EXT2: variants seen among roughly 807,000 people sequenced by gnomAD.
EXT2 encodes exostosin glycosyltransferase 2.
In EXT2, 53 loss-of-function variants were observed where a neutral mutation model predicts 81.6. That is an observed-to-expected ratio of 0.65 (90% confidence interval 0.52 to 0.82). The LOEUF (loss-of-function observed/expected upper bound fraction) is 0.82, where lower values mean the gene tolerates loss of function less well. Among genes scored for constraint, EXT2 ranks in the 40% least tolerant of loss-of-function variants. The pLI, the probability that EXT2 is intolerant of heterozygous loss-of-function variation, is 0.00. For missense variants in EXT2, 774 were observed against 910.2 expected (o/e 0.85, Z 1.93); for synonymous variants, 320 against 340.0 (o/e 0.94, Z 0.65).
chr11:44,241,344 T>C lies in EXT2; in HGVS notation c.2019-2805T>C, dbSNP rs375074994. Among the ~76,000 whole-genome samples the C allele has an allele frequency of 7.2e-5, 11 of 152,358 alleles. No individual in the cohort carries two copies. The South Asian group carries it at 2.1e-3, about 29-fold the overall frequency. On this transcript the variant is annotated intron_variant, in intron 13 of 13. Coordinates refer to ENST00000533608, the MANE Select transcript of EXT2 (RefSeq NM_207122.2). ...TCAAATGATGAGTTTGCCACACTTA[T>C]TAGCTGTCTGACCTAAGGAAATTGA...
At chr11:44,194,120 C>T (rs1955427990) in intron 8 of EXT2, among the ~76,000 whole-genome samples, 1 of 152,236 alleles carries the variant, frequency 6.6e-6, no homozygotes, top group Non-Finnish European at 1.5e-5. Context: ...GAATTTTCCT[C>T]TCTTCTTAAT....
intron 1 of EXT2, among the ~76,000 whole-genome samples, chr11:44,106,043 G>A (rs1036100854): frequency 5.3e-5 from 8 of 152,198 alleles, no homozygotes; most frequent in African/African-American, 1.9e-4. Context: ...CTTAGAGCAT[G>A]GCGGCTGGAT....
chr11:44,130,678 G>C (rs1954479859), intron 7 of EXT2, among the ~76,000 whole-genome samples: 1 of 152,152 alleles, frequency 6.6e-6, no homozygotes, highest in Admixed American at 6.5e-5. Flanking sequence ...TACTCCACTT[G>C]ATGTCCCACT....
At chr11:44,216,553 G>C (rs1955722184) in intron 10 of EXT2, among the ~76,000 whole-genome samples, 2 of 152,162 alleles carry the variant, frequency 1.3e-5, no homozygotes, top group African/African-American at 4.8e-5. Flanking sequence ...TTTCGTTCAG[G>C]ATTCTAATGA....
chr11:44,244,605 A>G lies in EXT2; in HGVS notation c.*318A>G, dbSNP rs1956076326. The stretch of plus-strand genomic sequence containing the variant: ...CTCCCTTTGTTTTCAGTTCCATGTA[A>G]CAATCTGGAAGGAAACTTCACGGAC... On this transcript the variant is annotated 3_prime_UTR_variant, in exon 14 of 14. Coordinates refer to ENST00000533608, the MANE Select transcript of EXT2 (RefSeq NM_207122.2). 4.7e-6 allele frequency: 2 copies of G among 429,604 alleles called. No individual in the cohort carries two copies. The highest frequency in any genetic ancestry group is 8.7e-6 in the Non-Finnish European group (2 of 230,486). 26.6% of individuals were successfully genotyped at this position (429,604 alleles called of 1,614,324 possible).
At chr11:44,241,020 A>G (rs1217276808) in intron 13 of EXT2, among the ~76,000 whole-genome samples, 3 of 152,232 alleles carry the variant, frequency 2.0e-5, no homozygotes, top group Admixed American at 6.5e-5. Flanking sequence ...ATGCAAAACA[A>G]TGAAAGCAGT....
chr11:44,102,024 C>G (rs1266936361), intron 1 of EXT2, among the ~76,000 whole-genome samples: 3 of 151,586 alleles, frequency 2.0e-5, no homozygotes, highest in Admixed American at 6.6e-5. Context: ...AAATCACTAT[C>G]TCTCCCCTTG....
chr11:44,108,515 G>T (rs944410585), intron 2 of EXT2, among the ~76,000 whole-genome samples: 4 of 152,140 alleles, frequency 2.6e-5, no homozygotes, highest in Non-Finnish European at 5.9e-5. Flanking sequence ...ACTAAGCGTG[G>T]CTCTTCTTCA....
At chr11:44,166,580 A>G (rs899575678) in intron 7 of EXT2, among the ~76,000 whole-genome samples, 12 of 152,256 alleles carry the variant, frequency 7.9e-5, no homozygotes, top group African/African-American at 2.4e-4. Context: ...TATTAGTTAC[A>G]TAACTCAAGT....
At chr11:44,161,006 T>G (rs1954920552) in intron 7 of EXT2, among the ~76,000 whole-genome samples, 1 of 152,228 alleles carries the variant, frequency 6.6e-6, no homozygotes, top group Non-Finnish European at 1.5e-5. Context: ...TTTTCCACAT[T>G]AAGTTGGATG....
chr11:44,111,582 T>A (rs1247265679), intron 3 of EXT2, among the ~76,000 whole-genome samples: 1 of 152,250 alleles, frequency 6.6e-6, no homozygotes, highest in Non-Finnish European at 1.5e-5. Flanking sequence ...ATCCTTTCTT[T>A]GCAAATATCT....
At chr11:44,231,653 A>G (rs1449389261) in intron 10 of EXT2, among the ~76,000 whole-genome samples, 1 of 152,184 alleles carries the variant, frequency 6.6e-6, no homozygotes, top group African/African-American at 2.4e-5. Flanking sequence ...TAGCCAACAA[A>G]TTGTTATACT....
intron 8 of EXT2, among the ~76,000 whole-genome samples, chr11:44,188,667 C>T (rs1002564039): frequency 7.2e-5 from 11 of 152,178 alleles, no homozygotes; most frequent in South Asian, 4.2e-4. Flanking sequence ...ATATTGTGAG[C>T]GAGAACTACC....
intron 7 of EXT2, among the ~76,000 whole-genome samples, chr11:44,150,562 G>A (rs1050868793): frequency 8.5e-5 from 13 of 152,200 alleles, no homozygotes; most frequent in Non-Finnish European, 1.8e-4. Context: ...ACTAGATCTT[G>A]CACTGGGCAG....
chr11:44,147,847 G>A (rs1590594904), intron 7 of EXT2, among the ~76,000 whole-genome samples: 1 of 141,094 alleles, frequency 7.1e-6, no homozygotes, highest in East Asian at 2.1e-4. Context: ...TTGGACCTGA[G>A]AGAGGAGGTT....
chr11:44,249,003 G>GT lies in EXT2; in HGVS notation c.*4722dup, dbSNP rs562919329. 1.6e-3 allele frequency among the ~76,000 whole-genome samples: 238 copies of GT among 151,214 alleles called. No individual in the cohort carries two copies. The highest frequency in any genetic ancestry group is 5.5e-3 in the African/African-American group (226 of 41,160). On this transcript the variant is annotated 3_prime_UTR_variant, in exon 14 of 14. Coordinates refer to ENST00000533608, the MANE Select transcript of EXT2 (RefSeq NM_207122.2). ...TTGTTTGTTTGTTTTTGTTTTTTTTGTTTTTTCTTTGGAAACAGAGTCTCA... is the reference window on the plus strand; with the variant it reads ...TTGTTTGTTTGTTTTTGTTTTTTTTGTTTTTTTCTTTGGAAACAGAGTCTCA...
chr11:44,243,466 A>C (rs1956060071), intron 13 of EXT2, among the ~76,000 whole-genome samples: 1 of 152,152 alleles, frequency 6.6e-6, no homozygotes, highest in Non-Finnish European at 1.5e-5. Context: ...GACAAAAATG[A>C]TGAAAATTAT....
chr11:44,125,668 G>A (rs1435576656), intron 5 of EXT2, among the ~76,000 whole-genome samples: 1 of 147,694 alleles, frequency 6.8e-6, no homozygotes, highest in Non-Finnish European at 1.5e-5. Flanking sequence ...GAAACACAAA[G>A]GAGCTGGTGT....
intron 7 of EXT2, among the ~76,000 whole-genome samples, chr11:44,137,299 G>C (rs941736768): frequency 6.6e-6 from 1 of 152,164 alleles, no homozygotes; most frequent in Non-Finnish European, 1.5e-5. Context: ...GGTTTGGACT[G>C]ATTTGCAGTT....
Sources: gnomAD v4.1 joint callset for allele counts (sites outside exome capture counted in the v4.1 genomes callset) on GRCh38, gnomAD v4.1.1 for gene constraint, MANE v1.5 for transcripts, NCBI Gene and HGNC (gene_info 2026-07-23, HGNC 2026-07-21) for gene names.